The following RIT2 variants were observed in gnomAD, a reference collection of about 807,000 sequenced individuals.
RIT2 encodes the protein Ras like without CAAX 2.
Under a neutral mutation model 23.7 loss-of-function variants are expected in RIT2, and 24 were observed. The observed-to-expected ratio is 1.01, with a 90% CI of 0.73 to 1.43. RIT2 has a LOEUF of 1.43. Among genes scored for constraint, RIT2 ranks in the 40% most tolerant of loss-of-function variants. The pLI is 0.00. For missense variants in RIT2, 236 were observed against 266.9 expected, an observed-to-expected ratio of 0.88 and a Z score of 0.81; for synonymous variants, 107 against 91.1, an observed-to-expected ratio of 1.17 and a Z score of -0.99.
chr18:43,090,750 T>C (rs572187103), intron 1 of RIT2, among the ~76,000 whole-genome samples: 2 of 152,178 alleles, frequency 1.3e-5, no homozygotes, highest in East Asian at 3.9e-4. Context: ...AAGGCCATTA[T>C]CCTTAGCAAA....
chr18:42,965,165 T>G (rs1910186242), intron 3 of RIT2, among the ~76,000 whole-genome samples: 1 of 152,234 alleles, frequency 6.6e-6, no homozygotes, highest in Non-Finnish European at 1.5e-5. Flanking sequence ...CAATACTGAA[T>G]AGTTCACTGT....
At chr18:42,820,989 C>T (rs1315666571) in intron 4 of RIT2, among the ~76,000 whole-genome samples, 1 of 152,086 alleles carries the variant, frequency 6.6e-6, no homozygotes, top group African/African-American at 2.4e-5. Context: ...AAGAGTCAAG[C>T]TTCTCTTTGT....
chr18:43,035,780 T>A (rs1358322593), intron 1 of RIT2, among the ~76,000 whole-genome samples: 1 of 152,214 alleles, frequency 6.6e-6, no homozygotes, highest in Non-Finnish European at 1.5e-5. Context: ...CCAATCCTGC[T>A]TCTCGGCTAT....
At chr18:42,819,258 A>G (rs556981352) in intron 4 of RIT2, among the ~76,000 whole-genome samples, 2 of 152,242 alleles carry the variant, frequency 1.3e-5, no homozygotes, top group Non-Finnish European at 1.5e-5. Context: ...TGCAAAAACA[A>G]TGTAAATGCC....
intron 4 of RIT2, among the ~76,000 whole-genome samples, chr18:42,800,171 C>T (rs1113189): frequency 0.038 from 5,717 of 152,174 alleles, 505 homozygotes; most frequent in East Asian, 0.32. Context: ...GCCTGTTCAT[C>T]CTGTGAATAG....
At chr18:43,051,062 A>T (rs1296107000) in intron 1 of RIT2, among the ~76,000 whole-genome samples, 1 of 152,090 alleles carries the variant, frequency 6.6e-6, no homozygotes, top group Non-Finnish European at 1.5e-5. Flanking sequence ...CGGACTTACA[A>T]CTAGTGTCTG....
chr18:42,956,068 C>T (rs1451182120), intron 3 of RIT2, among the ~76,000 whole-genome samples: 12 of 152,068 alleles, frequency 7.9e-5, no homozygotes, highest in Non-Finnish European at 1.5e-4. Flanking sequence ...AAGATGGAGA[C>T]GACTACAAAA....
chr18:43,006,107 A>T (rs139531153), intron 2 of RIT2, among the ~76,000 whole-genome samples: 1 of 151,904 alleles, frequency 6.6e-6, no homozygotes, highest in East Asian at 2.0e-4. Flanking sequence ...TGTTTAGATA[A>T]AAGTAGGGGA....
At chr18:43,006,886 A>T (rs1285822916) in intron 2 of RIT2, among the ~76,000 whole-genome samples, 1 of 151,438 alleles carries the variant, frequency 6.6e-6, no homozygotes, top group African/African-American at 2.4e-5. Context: ...TCAGCCCAGA[A>T]CCACCATTAT....
rs1908134711 is a variant in RIT2 at position 42,890,260 on chromosome 18, A to T, written c.426+33312T>A. 2.0e-5 allele frequency among the ~76,000 whole-genome samples: 3 copies of T among 152,008 alleles called. No homozygotes were observed. The South Asian group carries it at 6.2e-4, about 32-fold the overall frequency. On this transcript the variant is annotated intron_variant, in intron 4 of 4. Transcript: ENST00000326695. ...TTACTCTTTATTTGGACTATTCCCT[A>T]TCATCATCCTATTATAAAAAAAAAT...
intron 4 of RIT2, among the ~76,000 whole-genome samples, chr18:42,787,226 G>T (rs1044218468): frequency 6.9e-6 from 1 of 145,054 alleles, no homozygotes; most frequent in Non-Finnish European, 1.5e-5. Context: ...GAGAACATGC[G>T]GTGTTTGGTT....
rs550908555 is a variant in RIT2, at chr18:43,087,296, GT to G, written c.103+28120del. Among the ~76,000 whole-genome samples the G allele has an allele frequency of 2.3e-3, 346 of 152,118 alleles. 5 individuals carry two copies. In the South Asian group the frequency reaches 0.038, roughly 17 times the overall value. On this transcript the variant is annotated intron_variant, in intron 1 of 4. Coordinates refer to ENST00000326695, the MANE Select transcript of RIT2 (RefSeq NM_002930.4). ...AGAGTAGGTATTCATGACTCATTGA[GT>G]AGATAGAAATAAGAGATAAGATCTT...
chr18:43,052,609 A>T (rs887275574), intron 1 of RIT2, among the ~76,000 whole-genome samples: 9 of 152,080 alleles, frequency 5.9e-5, no homozygotes, highest in African/African-American at 2.2e-4. Context: ...CTGGTGATTT[A>T]TCAAACTGCT....
At chr18:42,865,886 C>G (rs1907456595) in intron 4 of RIT2, among the ~76,000 whole-genome samples, 1 of 152,136 alleles carries the variant, frequency 6.6e-6, no homozygotes, top group Non-Finnish European at 1.5e-5. Context: ...AATGTTTTAC[C>G]AATGTCTTCA....
At chr18:43,107,700 A>G (rs986945666) in intron 1 of RIT2, among the ~76,000 whole-genome samples, 10 of 152,140 alleles carry the variant, frequency 6.6e-5, no homozygotes, top group African/African-American at 2.4e-4. Context: ...CTCTGAATAG[A>G]CAAGAACAAA....
chr18:42,798,334 G>A (rs1031180963), intron 4 of RIT2, among the ~76,000 whole-genome samples: 4 of 152,138 alleles, frequency 2.6e-5, no homozygotes, highest in Non-Finnish European at 4.4e-5. Context: ...CTAATATTAG[G>A]GGAAATGGTA....
chr18:43,107,916 C>T (rs1194896190), intron 1 of RIT2, among the ~76,000 whole-genome samples: 3 of 151,736 alleles, frequency 2.0e-5, no homozygotes, highest in Non-Finnish European at 4.4e-5. Flanking sequence ...GTAACCCCAG[C>T]CCTTTGGAAG....
intron 2 of RIT2, among the ~76,000 whole-genome samples, chr18:42,984,995 C>T (rs1438448047): frequency 2.0e-5 from 3 of 151,786 alleles, no homozygotes; most frequent in Non-Finnish European, 1.5e-5. Context: ...TGCCTCTATT[C>T]ATGAAAAATA....
At chr18:43,094,629 T>C (rs1313724254) in intron 1 of RIT2, among the ~76,000 whole-genome samples, 2 of 152,042 alleles carry the variant, frequency 1.3e-5, no homozygotes, top group East Asian at 3.8e-4. Flanking sequence ...TGAATGTAGA[T>C]ATTATGGAAT....
Sources: gnomAD v4.1 joint callset for allele counts (sites outside exome capture counted in the v4.1 genomes callset) on GRCh38, gnomAD v4.1.1 for gene constraint, MANE v1.5 for transcripts, NCBI Gene and HGNC (gene_info 2026-07-23, HGNC 2026-07-21) for gene names.